The following PDXDC1 variants were observed in gnomAD, a reference collection of about 807,000 sequenced individuals.
The protein encoded by PDXDC1 is pyridoxal-dependent decarboxylase domain-containing protein 1.
Under a neutral mutation model 100.1 loss-of-function variants are expected in PDXDC1, and 42 were observed. The ratio of observed to expected loss-of-function variants is 0.42; its 90% CI spans 0.33 to 0.54. The LOEUF (loss-of-function observed/expected upper bound fraction) is 0.54, where lower values mean the gene tolerates loss of function less well. Among genes scored for constraint, PDXDC1 ranks in the 20% least tolerant of loss-of-function variants. PDXDC1 has a pLI of 0.10. For missense variants in PDXDC1, 636 were observed against 979.2 expected (o/e 0.65, Z 4.68); for synonymous variants, 260 against 371.7 (o/e 0.70, Z 3.46).
intron 11 of PDXDC1, among the ~76,000 whole-genome samples, chr16:15,017,769 C>G (rs1239581758): frequency 6.6e-6 from 1 of 152,202 alleles, no homozygotes; most frequent in Non-Finnish European, 1.5e-5. Context: ...GCCTCCTGAT[C>G]CACATTGCCC....
chr16:15,094,131 G>A (rs751820804), intron 16 of PDXDC1: 2 of 1,585,870 alleles, frequency 1.3e-6, no homozygotes, highest in Admixed American at 1.8e-5. Flanking sequence ...AGAAGGAAGC[G>A]GCCTGAATCT....
Position 15,007,157 on chromosome 16 carries a change from C to CTT in PDXDC1, c.579+604_579+605dup, listed in dbSNP as rs56256230. Among the ~76,000 whole-genome samples, 327 of 73,976 alleles carry CTT rather than the reference C, an allele frequency of 4.4e-3. 28 individuals are homozygous for CTT. Among genetic ancestry groups the CTT allele is most frequent in the East Asian group, 0.022 (29 of 1,338 alleles). The allele number at this position is 73,976 out of a possible 152,430, so 48.5% of individuals were successfully genotyped here. ...AGAATTGCTGGATCAAAGAGCATGA[C>CTT]TTTTTTTTTTTTTTTTTTTTTTTTT... is the stretch of plus-strand genomic sequence containing the variant. On this transcript the variant is annotated intron_variant, in intron 6 of 22. Coordinates refer to ENST00000396410, the MANE Select transcript of PDXDC1 (RefSeq NM_015027.4).
Position 15,020,111 on chromosome 16 carries a change from CAAAAAAAAAAAAAAA to C in PDXDC1, c.1089+1160_1089+1174del, listed in dbSNP as rs56353637. Among the ~76,000 whole-genome samples, 11 of 90,616 alleles carry C rather than the reference CAAAAAAAAAAAAAAA, an allele frequency of 1.2e-4. No individual in the cohort carries two copies. In the East Asian group the frequency reaches 2.4e-3, roughly 19 times the overall value. The allele number at this position is 90,616 out of a possible 152,430, so 59.4% of individuals were successfully genotyped here. ...TGGGTGACAGAGCGAGGCTCCGTCTCAAAAAAAAAAAAAAAAAAAAAAAAAAAAGCCAAAAAACAG... is the reference window on the plus strand; with the variant it reads ...TGGGTGACAGAGCGAGGCTCCGTCTCAAAAAAAAAAAAAGCCAAAAAACAG... On this transcript the variant is annotated intron_variant, in intron 12 of 22. Transcript: ENST00000396410.
At chr16:15,063,567 G>A (rs1425490954) in intron 16 of PDXDC1, among the ~76,000 whole-genome samples, 1 of 151,876 alleles carries the variant, frequency 6.6e-6, no homozygotes, top group Non-Finnish European at 1.5e-5. Context: ...AATTAGCCGG[G>A]TGTGGTGGCG....
intron 19 of PDXDC1, 148 bp from the exon 20 acceptor site, chr16:15,034,138 T>G (rs2043245187): frequency 3.1e-6 from 2 of 655,336 alleles, no homozygotes; most frequent in Non-Finnish European, 5.4e-6. Context: ...CTGCTTGTCT[T>G]TGAGTTTCTG....
intron 5 of PDXDC1, among the ~76,000 whole-genome samples, chr16:15,005,494 AACTT>A (rs1485130158): frequency 2.0e-5 from 3 of 152,286 alleles, no homozygotes; most frequent in Non-Finnish European, 2.9e-5. Flanking sequence ...ATGTTTGCCT[AACTT>A]GAGACATTTA....
At chr16:15,135,823 G>A in intron 16 of PDXDC1, 2 of 1,495,218 alleles carry the variant, frequency 1.3e-6, no homozygotes, top group Non-Finnish European at 9.3e-7. Flanking sequence ...CCGTCACATT[G>A]GCCTGGATGC....
chr16:15,058,627 T>G (rs1168820258), intron 16 of PDXDC1, among the ~76,000 whole-genome samples: 1 of 152,052 alleles, frequency 6.6e-6, no homozygotes, highest in Non-Finnish European at 1.5e-5. Context: ...CTCAGGAGAC[T>G]GAGGTGGGCG....
chr16:15,035,648 A>C (rs375599993), intron 22 of PDXDC1, 95 bp downstream of exon 22: 1 of 678,066 alleles, frequency 1.5e-6, no homozygotes, highest in Non-Finnish European at 2.5e-6. Flanking sequence ...CCAGAGGTCT[A>C]TTTCTCTTAA....
intron 16 of PDXDC1, among the ~76,000 whole-genome samples, chr16:15,054,312 A>ATG (rs2044413210): frequency 6.6e-6 from 1 of 152,206 alleles, no homozygotes; most frequent in Admixed American, 6.5e-5. Context: ...ATGTCTTCTT[A>ATG]AATAGGCCAA....
intron 6 of PDXDC1, among the ~76,000 whole-genome samples, chr16:15,006,925 T>A (rs2040826221): frequency 6.6e-6 from 1 of 152,298 alleles, no homozygotes; most frequent in Non-Finnish European, 1.5e-5. Flanking sequence ...TTATTTTTAA[T>A]GTCTTCATGG....
intron 16 of PDXDC1, chr16:15,047,115 G>C (rs2044104071): frequency 2.9e-6 from 1 of 341,874 alleles, no homozygotes; most frequent in Non-Finnish European, 5.4e-6. Flanking sequence ...AACTGCGGGA[G>C]GAATGACTGC....
intron 16 of PDXDC1, among the ~76,000 whole-genome samples, chr16:15,064,890 G>A (rs770512745): frequency 3.3e-5 from 5 of 152,212 alleles, no homozygotes; most frequent in Admixed American, 6.5e-5. Context: ...CTCCTGGCCG[G>A]GCGCGGTGGC....
chr16:14,995,299 A>G (rs1436661694), intron 1 of PDXDC1, among the ~76,000 whole-genome samples: 1 of 152,268 alleles, frequency 6.6e-6, no homozygotes, highest in Non-Finnish European at 1.5e-5. Flanking sequence ...AGCTCTTATT[A>G]TTTTGAGATA....
At chr16:15,092,815 C>T (rs1598024042) in intron 16 of PDXDC1, among the ~76,000 whole-genome samples, 1 of 152,188 alleles carries the variant, frequency 6.6e-6, no homozygotes, top group East Asian at 1.9e-4. Context: ...CAGTAAAAAT[C>T]CAAATCTCTC....
At chr16:15,060,193 G>T (rs1450515292) in intron 16 of PDXDC1, 1 of 413,294 alleles carries the variant, frequency 2.4e-6, no homozygotes, top group Admixed American at 2.7e-5. Context: ...AACCCACAAA[G>T]ACCCCACTTA....
chr16:15,150,367 A>T, the PDXDC1 span, among the ~76,000 whole-genome samples: 1 of 149,746 alleles, frequency 6.7e-6, no homozygotes, highest in Non-Finnish European at 1.5e-5. Context: ...ATAAATAAAT[A>T]AATAAATAAA....
chr16:15,047,035 T>C (rs1268991707), intron 16 of PDXDC1, among the ~76,000 whole-genome samples: 1 of 152,148 alleles, frequency 6.6e-6, no homozygotes, highest in Non-Finnish European at 1.5e-5. Flanking sequence ...GGGCCGGGCT[T>C]TCTGTCTACT....
intron 16 of PDXDC1, chr16:15,071,064 G>A (rs2045204260): frequency 6.7e-7 from 1 of 1,483,846 alleles, no homozygotes; most frequent in Non-Finnish European, 9.2e-7. Flanking sequence ...TTGAGACAAT[G>A]CTATACTCTT....
Sources: gnomAD v4.1 joint callset for allele counts (sites outside exome capture counted in the v4.1 genomes callset) on GRCh38, gnomAD v4.1.1 for gene constraint, MANE v1.5 for transcripts, NCBI Gene and HGNC (gene_info 2026-07-23, HGNC 2026-07-21) for gene names.